The following THRB variants were observed in gnomAD, a reference collection of about 807,000 sequenced individuals.
THRB encodes thyroid hormone receptor beta.
THRB carries 12 observed loss-of-function variants against 47.8 expected under a neutral mutation model. The observed-to-expected ratio is 0.25, with a 90% CI of 0.16 to 0.41. The LOEUF (loss-of-function observed/expected upper bound fraction) is 0.41. Ranked by LOEUF, THRB falls within the 10% of genes least tolerant of loss-of-function variation. The probability of loss-of-function intolerance (pLI) is 1.00; values close to 1 mark genes in which losing one functional copy is unlikely to be tolerated. For missense variants in THRB, 348 were observed against 589.2 expected (o/e 0.59, Z 4.24); for synonymous variants, 218 against 212.2 (o/e 1.03, Z -0.24).
intron 1 of THRB, among the ~76,000 whole-genome samples, chr3:24,443,190 C>T (rs549281290): frequency 2.6e-5 from 4 of 152,128 alleles, no homozygotes; most frequent in East Asian, 1.9e-4. Flanking sequence ...AACAAACAAA[C>T]GATACTGACA....
intron 1 of THRB, among the ~76,000 whole-genome samples, chr3:24,367,768 T>G (rs1040879998): frequency 2.6e-5 from 4 of 152,154 alleles, no homozygotes; most frequent in African/African-American, 9.7e-5. Flanking sequence ...ACAAGAAATG[T>G]TTACAGTACT....
chr3:24,262,810 C>G (rs1016992737), intron 3 of THRB, among the ~76,000 whole-genome samples: 3 of 152,188 alleles, frequency 2.0e-5, no homozygotes, highest in Non-Finnish European at 2.9e-5. Context: ...TCCCCTACCC[C>G]CTACTAGACG....
At chr3:24,444,245 C>T (rs753329642) in intron 1 of THRB, among the ~76,000 whole-genome samples, 1 of 152,018 alleles carries the variant, frequency 6.6e-6, no homozygotes, top group African/African-American at 2.4e-5. Context: ...ATGATAGAAT[C>T]ATTTTTTGAT....
In THRB at chr3:24,322,303, A is replaced by C. The variant is rs1023234096; in HGVS notation, c.-189+14997T>G. On this transcript the variant is annotated intron_variant, in intron 2 of 10. Transcript: ENST00000646209. ...TTAAACTGTTCTATTCTTTCAAATT[A>C]AAACTACAGTTTCCATAGATTCAAA... Among the ~76,000 whole-genome samples the C allele has an allele frequency of 2.0e-5, 3 of 152,220 alleles. No homozygotes were observed. In the East Asian group the frequency reaches 5.8e-4, roughly 29 times the overall value.
At chr3:24,234,033 C>T (rs1224485663) in intron 3 of THRB, among the ~76,000 whole-genome samples, 4 of 152,180 alleles carry the variant, frequency 2.6e-5, no homozygotes, top group African/African-American at 7.2e-5. Flanking sequence ...ATAAAGCAGG[C>T]GCTGTGTGTA....
chr3:24,400,207 T>C (rs1042526086), intron 1 of THRB, among the ~76,000 whole-genome samples: 2 of 152,048 alleles, frequency 1.3e-5, no homozygotes, highest in African/African-American at 2.4e-5. Context: ...CCAAGATAAT[T>C]TGAACTTCAA....
At chr3:24,382,380 A>G (rs937695357) in intron 1 of THRB, among the ~76,000 whole-genome samples, 1 of 152,150 alleles carries the variant, frequency 6.6e-6, no homozygotes, top group East Asian at 1.9e-4. Context: ...TTCTTAATAA[A>G]TAAATATTTT....
chr3:24,154,916 C>T (rs1575456366), intron 5 of THRB, among the ~76,000 whole-genome samples: 1 of 152,140 alleles, frequency 6.6e-6, no homozygotes, highest in Non-Finnish European at 1.5e-5. Context: ...GGTATGAGAA[C>T]CAATTGTGAT....
intron 2 of THRB, among the ~76,000 whole-genome samples, chr3:24,308,267 CA>C (rs2057502627): frequency 6.6e-6 from 1 of 152,092 alleles, no homozygotes; most frequent in Non-Finnish European, 1.5e-5. Flanking sequence ...ATGATATTAT[CA>C]ATAACAATAA....
At chr3:24,188,010 A>C (rs2149558683) in intron 5 of THRB, among the ~76,000 whole-genome samples, 1 of 152,306 alleles carries the variant, frequency 6.6e-6, no homozygotes, top group Admixed American at 6.5e-5. Flanking sequence ...TTTTCCTGTT[A>C]ATATTAGGAT....
chr3:24,482,442 G>T (rs971844542), intron 1 of THRB, among the ~76,000 whole-genome samples: 10 of 152,078 alleles, frequency 6.6e-5, no homozygotes, highest in African/African-American at 2.4e-4. Flanking sequence ...GCCTTTCAAT[G>T]CAAGCATAGA....
intron 1 of THRB, among the ~76,000 whole-genome samples, chr3:24,338,883 C>T (rs1334431317): frequency 2.0e-5 from 3 of 152,216 alleles, no homozygotes; most frequent in African/African-American, 7.2e-5. Flanking sequence ...CTCTGCACCG[C>T]CCATTTCATA....
At chr3:24,424,638 C>G (rs1461689212) in intron 1 of THRB, among the ~76,000 whole-genome samples, 2 of 151,936 alleles carry the variant, frequency 1.3e-5, no homozygotes, top group Non-Finnish European at 2.9e-5. Context: ...TTCACTGTTC[C>G]TCAATATCTA....
At chr3:24,132,507 T>C (rs1240583982) in intron 9 of THRB, among the ~76,000 whole-genome samples, 1 of 152,176 alleles carries the variant, frequency 6.6e-6, no homozygotes, top group African/African-American at 2.4e-5. Flanking sequence ...CTCTAAGAGG[T>C]AGACATTATT....
intron 6 of THRB, among the ~76,000 whole-genome samples, chr3:24,147,456 A>G (rs2036241395): frequency 1.3e-5 from 2 of 152,122 alleles, no homozygotes; most frequent in Admixed American, 6.5e-5. Context: ...GTTTTTCCCC[A>G]TAGCTCATTG....
At chr3:24,261,589 A>T (rs533868151) in intron 3 of THRB, among the ~76,000 whole-genome samples, 63 of 151,920 alleles carry the variant, frequency 4.1e-4, no homozygotes, top group African/African-American at 1.4e-3. Flanking sequence ...CCTTTAGAGC[A>T]AAGGAGTTGT....
At chr3:24,181,218 AT>A (rs1178999644) in intron 5 of THRB, among the ~76,000 whole-genome samples, 1 of 152,122 alleles carries the variant, frequency 6.6e-6, no homozygotes, top group Non-Finnish European at 1.5e-5. Context: ...GATTTAATAT[AT>A]TTTTCCTTGT....
intron 4 of THRB, among the ~76,000 whole-genome samples, chr3:24,221,221 A>G (rs557693724): frequency 8.5e-5 from 13 of 152,384 alleles, no homozygotes; most frequent in Admixed American, 7.8e-4. Flanking sequence ...TGCAAACAAA[A>G]TAACACCATA....
At chr3:24,220,523 C>A (rs2047043866) in intron 4 of THRB, among the ~76,000 whole-genome samples, 1 of 152,116 alleles carries the variant, frequency 6.6e-6, no homozygotes, top group Admixed American at 6.5e-5. Context: ...TTCTAATATG[C>A]AGCCAAGTTT....
Sources: gnomAD v4.1 joint callset for allele counts (sites outside exome capture counted in the v4.1 genomes callset) on GRCh38, gnomAD v4.1.1 for gene constraint, MANE v1.5 for transcripts, NCBI Gene and HGNC (gene_info 2026-07-23, HGNC 2026-07-21) for gene names.